RSRC1: variants seen among roughly 807,000 people sequenced by gnomAD.
RSRC1 encodes the protein arginine and serine rich coiled-coil 1.
Under a neutral mutation model 49.1 loss-of-function variants are expected in RSRC1, and 39 were observed. The ratio of observed to expected loss-of-function variants is 0.79; its 90% CI spans 0.61 to 1.04. The LOEUF (loss-of-function observed/expected upper bound fraction) is 1.04. RSRC1 is among the 50% of genes least tolerant of loss of function. RSRC1 has a pLI of 0.00. For synonymous variants in RSRC1, 143 were observed against 130.8 expected (o/e 1.09, Z -0.63); for missense variants, 388 against 402.4 (o/e 0.96, Z 0.31).
Position 158,543,557 on chromosome 3 carries a change from T to C in RSRC1, c.912+70T>C, listed in dbSNP as rs1035653375. On this transcript the variant is annotated intron_variant, in intron 9 of 9. Transcript: ENST00000611884. ...CTGAAATTATTTCAATCTGTTATCC[T>C]TTTGTGCTAACACCAAGGAGACCAT... is the stretch of plus-strand genomic sequence containing the variant. 2.0e-6 allele frequency: 3 copies of C among 1,467,904 alleles called. No individual in the cohort carries two copies. The African/African-American group carries it at 4.3e-5, about 21-fold the overall frequency. 90.9% of individuals were successfully genotyped at this position (1,467,904 alleles called of 1,614,324 possible).
At chr3:158,279,935 A>G (rs954887262) in intron 4 of RSRC1, among the ~76,000 whole-genome samples, 1 of 152,190 alleles carries the variant, frequency 6.6e-6, no homozygotes. Context: ...CTGACAGGAA[A>G]AGAAGACTGG....
At chr3:158,541,537 T>C (rs1467808601) in intron 8 of RSRC1, among the ~76,000 whole-genome samples, 1 of 152,218 alleles carries the variant, frequency 6.6e-6, no homozygotes, top group Non-Finnish European at 1.5e-5. Flanking sequence ...GATCTCCAAC[T>C]CTAAAACAAA....
chr3:158,459,705 G>A (rs1737519299), intron 6 of RSRC1, among the ~76,000 whole-genome samples: 1 of 151,914 alleles, frequency 6.6e-6, no homozygotes, highest in African/African-American at 2.4e-5. Context: ...ATAGATTCTT[G>A]CAATGATATG....
At chr3:158,113,020 A>G (rs1394456185) in intron 1 of RSRC1, among the ~76,000 whole-genome samples, 1 of 152,174 alleles carries the variant, frequency 6.6e-6, no homozygotes, top group African/African-American at 2.4e-5. Flanking sequence ...TATATGTACC[A>G]CATTTTCTTT....
chr3:158,171,102 T>C (rs1718857116), intron 3 of RSRC1, among the ~76,000 whole-genome samples: 1 of 152,168 alleles, frequency 6.6e-6, no homozygotes, highest in Admixed American at 6.5e-5. Flanking sequence ...AGACCTGGAC[T>C]CACCCTTACA....
In RSRC1 at chr3:158,272,039, G is replaced by GT. The variant is rs201688829; in HGVS notation, c.495-25991dup. On this transcript the variant is annotated intron_variant, in intron 4 of 9. Transcript: ENST00000611884. ...CACTTTTCTCATATGCCAATTTGTT[G>GT]TTTTTTTTTCCAAAGGATTAAGGGC... Among the ~76,000 whole-genome samples the GT allele has an allele frequency of 1.2e-3, 188 of 150,748 alleles. No individual in the cohort carries two copies. The East Asian group carries it at 0.021, about 17-fold the overall frequency.
chr3:158,515,710 A>C (rs1032295041), intron 7 of RSRC1, among the ~76,000 whole-genome samples: 8 of 147,300 alleles, frequency 5.4e-5, no homozygotes, highest in African/African-American at 1.5e-4. Context: ...ACTTGGTTCC[A>C]TTCTCCCCGT....
intron 6 of RSRC1, among the ~76,000 whole-genome samples, chr3:158,410,647 T>C (rs1734413285): frequency 6.6e-6 from 1 of 152,178 alleles, no homozygotes; most frequent in African/African-American, 2.4e-5. Flanking sequence ...GCTATCTAGC[T>C]GTCTATCTCT....
intron 3 of RSRC1, among the ~76,000 whole-genome samples, chr3:158,185,191 C>T (rs1035364911): frequency 1.1e-4 from 16 of 151,786 alleles, no homozygotes; most frequent in Non-Finnish European, 1.8e-4. Flanking sequence ...ATGGATTTTA[C>T]TATTTAAGGA....
intron 3 of RSRC1, among the ~76,000 whole-genome samples, chr3:158,136,235 AC>A (rs1716364359): frequency 6.6e-6 from 1 of 152,252 alleles, no homozygotes; most frequent in East Asian, 1.9e-4. Flanking sequence ...ATTCGAAATT[AC>A]ATGAAAATAA....
chr3:158,161,986 G>T (rs1057231565), intron 3 of RSRC1, among the ~76,000 whole-genome samples: 1 of 152,036 alleles, frequency 6.6e-6, no homozygotes, highest in Non-Finnish European at 1.5e-5. Context: ...TCTCAACAAA[G>T]AAAAGAAAAA....
At chr3:158,359,343 C>T (rs1731345398) in intron 6 of RSRC1, among the ~76,000 whole-genome samples, 1 of 152,174 alleles carries the variant, frequency 6.6e-6, no homozygotes. Context: ...AAAATAATAA[C>T]ACATGAAATA....
At chr3:158,519,480 C>A (rs980218339) in intron 7 of RSRC1, among the ~76,000 whole-genome samples, 1 of 151,428 alleles carries the variant, frequency 6.6e-6, no homozygotes, top group Non-Finnish European at 1.5e-5. Context: ...CAAGGAGGGA[C>A]TTGCCACCCA....
intron 4 of RSRC1, among the ~76,000 whole-genome samples, chr3:158,262,305 G>A (rs573643303): frequency 9.2e-5 from 14 of 152,210 alleles, no homozygotes; most frequent in African/African-American, 3.1e-4. Flanking sequence ...TTTGAGTATG[G>A]TATAAGATAT....
At chr3:158,276,279 A>T in intron 4 of RSRC1, 1 of 765,004 alleles carries the variant, frequency 1.3e-6, no homozygotes, top group South Asian at 1.3e-5. Flanking sequence ...CAGTCTGCAC[A>T]ATTTATCAGG....
chr3:158,297,105 T>A (rs827132), intron 4 of RSRC1, among the ~76,000 whole-genome samples: 72,300 of 151,784 alleles, frequency 0.48, 17,775 homozygotes, highest in East Asian at 0.64. Flanking sequence ...GGAGGATTTA[T>A]ATTAATAATT....
intron 4 of RSRC1, among the ~76,000 whole-genome samples, chr3:158,260,055 A>C (rs1445908344): frequency 6.6e-6 from 1 of 152,094 alleles, no homozygotes; most frequent in African/African-American, 2.4e-5. Flanking sequence ...CCAGGTGTCC[A>C]CTTGGTGCTC....
At chr3:158,125,369 C>T (rs961432643) in intron 3 of RSRC1, among the ~76,000 whole-genome samples, 10 of 151,630 alleles carry the variant, frequency 6.6e-5, no homozygotes, top group African/African-American at 1.7e-4. Flanking sequence ...CTAAAACTTT[C>T]CTTTCAGTAT....
chr3:158,378,309 A>G (rs544214822), intron 6 of RSRC1, among the ~76,000 whole-genome samples: 47 of 152,196 alleles, frequency 3.1e-4, no homozygotes, highest in Admixed American at 2.4e-3. Context: ...ACAAATCTTT[A>G]CTGTTAATTT....
Sources: gnomAD v4.1 joint callset for allele counts (sites outside exome capture counted in the v4.1 genomes callset) on GRCh38, gnomAD v4.1.1 for gene constraint, MANE v1.5 for transcripts, NCBI Gene and HGNC (gene_info 2026-07-23, HGNC 2026-07-21) for gene names.